PPIP5K1: variants seen among roughly 807,000 people sequenced by gnomAD.
PPIP5K1 encodes inositol hexakisphosphate and diphosphoinositol-pentakisphosphate kinase 1.
PPIP5K1 carries 6 observed loss-of-function variants against 27.7 expected under a neutral mutation model. The ratio of observed to expected loss-of-function variants is 0.22; its 90% CI spans 0.12 to 0.43. The LOEUF is 0.43. Ranked by LOEUF, PPIP5K1 falls within the 20% of genes least tolerant of loss-of-function variation. PPIP5K1 has a pLI of 1.00. For synonymous variants in PPIP5K1, 145 were observed against 242.6 expected (o/e 0.60, Z 3.74); for missense variants, 394 against 635.4 (o/e 0.62, Z 4.08).
chr15:43,550,167 G>A (rs2082016891), intron 30 of PPIP5K1, among the ~76,000 whole-genome samples: 2 of 151,332 alleles, frequency 1.3e-5, no homozygotes, highest in African/African-American at 4.9e-5. Context: ...ACAGGGTGTT[G>A]CTCTATCACC....
intron 30 of PPIP5K1, among the ~76,000 whole-genome samples, chr15:43,540,043 A>T (rs1263590613): frequency 1.3e-5 from 2 of 152,176 alleles, no homozygotes; most frequent in Non-Finnish European, 2.9e-5. Context: ...ACTTGAGGCC[A>T]GGAGTTCAAG....
At chr15:43,544,349 T>A (rs2140530339) in intron 30 of PPIP5K1, among the ~76,000 whole-genome samples, 1 of 152,364 alleles carries the variant, frequency 6.6e-6, no homozygotes, top group African/African-American at 2.4e-5. Context: ...TATTAGATCA[T>A]ATAGAGCTTC....
At chr15:43,555,345 G>A (rs1249850061) in intron 30 of PPIP5K1, among the ~76,000 whole-genome samples, 6 of 150,284 alleles carry the variant, frequency 4.0e-5, no homozygotes, top group African/African-American at 9.8e-5. Context: ...GCACAATCTC[G>A]GCTCACTGCA....
chr15:43,536,061 G>C, intron 31 of PPIP5K1: 1 of 1,264,362 alleles, frequency 7.9e-7, no homozygotes, highest in Admixed American at 2.4e-5. Flanking sequence ...ATTATTTATA[G>C]CCCAAATGAT....
rs772329647 is a variant in PPIP5K1 at position 43,534,836 on chromosome 15, G to A, written c.4311C>T (p.Ile1437=). 2 of 1,612,684 alleles carry A rather than the reference G, an allele frequency of 1.2e-6. No individual in the cohort carries two copies. Among genetic ancestry groups the A allele is most frequent in the Non-Finnish European group, 1.7e-6 (2 of 1,179,134 alleles). ...CCACAGAGAACTCCTGGTATGGCTG[G>A]ATGACCTCCTCAGGGATCTCTTCAG... is the stretch of plus-strand genomic sequence containing the variant. ...SPAEEIPEEV[I]QPYQEFSVEV... Residue 1437 remains isoleucine (I), a synonymous_variant, in exon 32 of 32, where the codon ATC becomes ATT. Coordinates refer to ENST00000420765, the MANE Select transcript of PPIP5K1 (RefSeq NM_001394395.1).
At chr15:43,558,595 G>A (rs1158529361) in intron 30 of PPIP5K1, among the ~76,000 whole-genome samples, 200 bp downstream of exon 30, 1 of 152,034 alleles carries the variant, frequency 6.6e-6, no homozygotes, top group Non-Finnish European at 1.5e-5. Context: ...GACCTCAGGT[G>A]ATCCACCTGC....
chr15:43,535,667 G>A (rs1469459776), intron 31 of PPIP5K1, among the ~76,000 whole-genome samples, 191 bp from the exon 32 acceptor site: 1 of 152,212 alleles, frequency 6.6e-6, no homozygotes, highest in African/African-American at 2.4e-5. Flanking sequence ...CTGGCCTAAT[G>A]TATACTTTGA....
chr15:43,535,715 G>C (rs1418031758), intron 31 of PPIP5K1, among the ~76,000 whole-genome samples: 1 of 152,198 alleles, frequency 6.6e-6, no homozygotes, highest in Non-Finnish European at 1.5e-5. Flanking sequence ...TCAGGAGAGA[G>C]TGCTAAGACC....
intron 30 of PPIP5K1, chr15:43,548,276 A>C (rs1427473369): frequency 1.3e-5 from 2 of 151,170 alleles, no homozygotes; most frequent in African/African-American, 4.9e-5. Context: ...TTTTTTTATT[A>C]TTATTATTTT....
At chr15:43,550,039 C>G (rs557319955) in intron 30 of PPIP5K1, among the ~76,000 whole-genome samples, 2 of 152,138 alleles carry the variant, frequency 1.3e-5, no homozygotes, top group Non-Finnish European at 2.9e-5. Flanking sequence ...CTCCTGGCCT[C>G]AAATGATCCT....
rs542320416 is a variant in PPIP5K1, at chr15:43,555,117, G to A, written c.3556+3678C>T. Among the ~76,000 whole-genome samples, 5 of 152,218 alleles carry A rather than the reference G, an allele frequency of 3.3e-5. No individual in the cohort carries two copies. In the South Asian group the frequency reaches 6.2e-4, roughly 19 times the overall value. On this transcript the variant is annotated intron_variant, in intron 30 of 31. Transcript: ENST00000420765. ...CTCCCAAAGTGCTGGGATTACAGGC[G>A]TGAGCCACCATGCCCAGGCGTTAAA...
At chr15:43,556,728 C>CTT (rs897969350) in intron 30 of PPIP5K1, among the ~76,000 whole-genome samples, 1 of 152,140 alleles carries the variant, frequency 6.6e-6, no homozygotes, top group Non-Finnish European at 1.5e-5. Flanking sequence ...AGAGAAAATT[C>CTT]TTTGAGAATA....
At chr15:43,551,977 ATT>A (rs35153209) in intron 30 of PPIP5K1, among the ~76,000 whole-genome samples, 7 of 144,770 alleles carry the variant, frequency 4.8e-5, no homozygotes, top group Admixed American at 6.9e-5. Context: ...TTGATTTCAG[ATT>A]TTTTTTTTTT....
intron 30 of PPIP5K1, among the ~76,000 whole-genome samples, chr15:43,548,226 G>A (rs2140720855): frequency 6.6e-6 from 1 of 151,786 alleles, no homozygotes; most frequent in East Asian, 1.9e-4. Flanking sequence ...AGCCTCCTGA[G>A]TAGCTGGGAC....
intron 31 of PPIP5K1, among the ~76,000 whole-genome samples, chr15:43,536,660 G>A (rs1026815745): frequency 4.6e-5 from 7 of 152,038 alleles, no homozygotes; most frequent in African/African-American, 1.7e-4. Context: ...TGTAAGTCTT[G>A]GGACATACAA....
At chr15:43,550,202 C>T (rs759467359) in intron 30 of PPIP5K1, among the ~76,000 whole-genome samples, 12 of 152,018 alleles carry the variant, frequency 7.9e-5, no homozygotes, top group Non-Finnish European at 1.8e-4. Flanking sequence ...GTGATGCGAT[C>T]ACCAGTCACT....
At chr15:43,539,211 A>AC (rs397770062) in intron 31 of PPIP5K1, among the ~76,000 whole-genome samples, 2 of 151,958 alleles carry the variant, frequency 1.3e-5, no homozygotes, top group African/African-American at 4.8e-5. Context: ...AAAAAAAAAA[A>AC]CAATTATTCC....
At chr15:43,535,996 T>C (rs2079796614) in intron 31 of PPIP5K1, 1 of 956,458 alleles carries the variant, frequency 1.0e-6, no homozygotes, top group Non-Finnish European at 1.4e-6. Context: ...ATGTACACCT[T>C]CTGTTAAGAA....
intron 30 of PPIP5K1, among the ~76,000 whole-genome samples, chr15:43,544,484 A>G (rs542787982): frequency 1.8e-4 from 27 of 152,318 alleles, no homozygotes; most frequent in African/African-American, 5.8e-4. Flanking sequence ...TAATGTCCCA[A>G]TGAATAACTG....
Sources: allele counts gnomAD v4.1 joint callset (sites outside exome capture counted in the v4.1 genomes callset), GRCh38; gene constraint gnomAD v4.1.1; transcripts MANE v1.5; gene names NCBI Gene and HGNC (gene_info 2026-07-23, HGNC 2026-07-21).